The following CDK1 variants were observed in gnomAD, a reference collection of about 807,000 sequenced individuals.
CDK1 encodes the protein cyclin-dependent kinase 1.
In CDK1, 5 loss-of-function variants were observed where a neutral mutation model predicts 34.6. The observed-to-expected ratio is 0.14, with a 90% CI of 0.08 to 0.30. The LOEUF (loss-of-function observed/expected upper bound fraction) is 0.30, where lower values mean the gene tolerates loss of function less well. Among genes scored for constraint, CDK1 ranks in the 10% least tolerant of loss-of-function variants. CDK1 has a pLI of 1.00. For missense variants in CDK1, 157 were observed against 345.7 expected, an observed-to-expected ratio of 0.45 and a Z score of 4.33; for synonymous variants, 108 against 114.7, an observed-to-expected ratio of 0.94 and a Z score of 0.37.
chr10:60,783,964 TTTTGAAAAGCATAAAGCACTCTACAGTA>T, intron 2 of CDK1, among the ~76,000 whole-genome samples: 1 of 152,342 alleles, frequency 6.6e-6, no homozygotes, highest in Admixed American at 6.5e-5. Context: ...GATAAAAGTG[TTTTGAAAAGCATAAAGCACTCTACAGTA>T]TTTTCTGAAA....
At chr10:60,786,236 G>T in intron 4 of CDK1, 1 of 957,526 alleles carries the variant, frequency 1.0e-6, no homozygotes, top group Non-Finnish European at 1.2e-6. Flanking sequence ...TCTTATTCTT[G>T]CACCAGTTCT....
chr10:60,783,286 T>C (rs2080288155), intron 2 of CDK1, among the ~76,000 whole-genome samples: 1 of 152,132 alleles, frequency 6.6e-6, no homozygotes, highest in South Asian at 2.1e-4. Flanking sequence ...CACAATTTAA[T>C]CAAAATAGTA....
In CDK1 at chr10:60,789,735, T is replaced by C. The variant is rs190934286; in HGVS notation, c.489+1505T>C. 2.0e-5 allele frequency among the ~76,000 whole-genome samples: 3 copies of C among 152,308 alleles called. No homozygotes were observed. The East Asian group carries it at 5.8e-4, about 29-fold the overall frequency. ...GAGTGCAGATATCTCTTTGACATAATTGATTTTATTTATTTTGGACATATA... is the reference window on the plus strand; with the variant it reads ...GAGTGCAGATATCTCTTTGACATAACTGATTTTATTTATTTTGGACATATA... On this transcript the variant is annotated intron_variant, in intron 5 of 7. Transcript: ENST00000395284.
In CDK1 at chr10:60,793,972, G is replaced by A; in HGVS notation, c.891G>A (p.Met297Ile). 2.0e-6 allele frequency: 3 copies of A among 1,479,692 alleles called. No individual in the cohort carries two copies. The highest frequency in any genetic ancestry group is 1.3e-5 in the South Asian group (1 of 78,040). 91.7% of individuals were successfully genotyped at this position (1,479,692 alleles called of 1,614,324 possible). ...FNDLDNQIKKM is the reference protein window; with the variant it reads ...FNDLDNQIKKI ...ATTTGGACAATCAGATTAAGAAGAT[G>A]TAGCTTTCTGACAAAAAGTTTCCAT... is the stretch of plus-strand genomic sequence containing the variant. The change falls in exon 8 of 8, where the codon ATG becomes ATA. Residue 297 changes from methionine (M) to isoleucine (I), a missense_variant. Transcript: ENST00000395284.
At chr10:60,790,094 TA>T (rs999114443) in intron 5 of CDK1, among the ~76,000 whole-genome samples, 1 of 152,218 alleles carries the variant, frequency 6.6e-6, no homozygotes, top group African/African-American at 2.4e-5. Context: ...GGATTCTTAC[TA>T]TTTTTTTTAT....
chr10:60,779,029 C>T (rs1048519978), intron 1 of CDK1, among the ~76,000 whole-genome samples: 3 of 152,216 alleles, frequency 2.0e-5, no homozygotes, highest in African/African-American at 4.8e-5. Flanking sequence ...GGCGCGGGTC[C>T]CTAGAGCCAG....
intron 4 of CDK1, chr10:60,786,359 A>C: frequency 1.2e-6 from 1 of 814,946 alleles, no homozygotes; most frequent in Non-Finnish European, 1.5e-6. Flanking sequence ...AGGTGGACTT[A>C]TTTGCATATG....
At chr10:60,789,023 A>G (rs1468518099) in intron 5 of CDK1, among the ~76,000 whole-genome samples, 1 of 152,134 alleles carries the variant, frequency 6.6e-6, no homozygotes, top group Non-Finnish European at 1.5e-5. Flanking sequence ...TTACCATATG[A>G]TAAATATACT....
At chr10:60,788,025 C>T (rs200404839) in intron 4 of CDK1, 35 bp from the exon 5 acceptor site, 86 of 1,094,698 alleles carry the variant, frequency 7.9e-5, no homozygotes, top group Non-Finnish European at 1.0e-4. Flanking sequence ...TCATGTACTT[C>T]GCTTAAGTTT....
chr10:60,784,360 T>A (rs1416044408), intron 2 of CDK1, among the ~76,000 whole-genome samples: 1 of 152,172 alleles, frequency 6.6e-6, no homozygotes, highest in Non-Finnish European at 1.5e-5. Context: ...CCAGGTGCGG[T>A]GGCTCACGCC....
intron 1 of CDK1, 190 bp downstream of exon 1, chr10:60,778,760 C>T (rs2080245619): frequency 6.6e-6 from 1 of 152,424 alleles, no homozygotes; most frequent in African/African-American, 2.4e-5. Flanking sequence ...ACTGGGCTGG[C>T]TTTAGAGGGA....
At chr10:60,791,442 C>A (rs1331096155) in intron 5 of CDK1, among the ~76,000 whole-genome samples, 4 of 152,124 alleles carry the variant, frequency 2.6e-5, no homozygotes, top group Non-Finnish European at 5.9e-5. Flanking sequence ...ATCATCTCTG[C>A]ACACAGGGAC....
chr10:60,786,056 G>A, intron 4 of CDK1: 1 of 1,065,030 alleles, frequency 9.4e-7, no homozygotes. Flanking sequence ...GTCTTTCTTT[G>A]GCTGTCAGAT....
At chr10:60,779,793 C>T (rs1426518637) in intron 1 of CDK1, among the ~76,000 whole-genome samples, 3 of 152,076 alleles carry the variant, frequency 2.0e-5, no homozygotes, top group African/African-American at 7.2e-5. Context: ...CTTTGGCACA[C>T]GCAGGTACTA....
At chr10:60,786,286 T>A (rs2080315206) in intron 4 of CDK1, 3 of 981,124 alleles carry the variant, frequency 3.1e-6, no homozygotes, top group African/African-American at 1.7e-5. Flanking sequence ...TAGTTTTATT[T>A]GTAATCTTAC....
At chr10:60,788,867 G>A (rs1428396798) in intron 5 of CDK1, among the ~76,000 whole-genome samples, 2 of 152,106 alleles carry the variant, frequency 1.3e-5, no homozygotes, top group Non-Finnish European at 2.9e-5. Context: ...ACTAGTAACA[G>A]TGCTCATCTG....
intron 2 of CDK1, among the ~76,000 whole-genome samples, chr10:60,781,126 AAT>A (rs1322184477): frequency 6.6e-6 from 1 of 152,100 alleles, no homozygotes; most frequent in Non-Finnish European, 1.5e-5. Context: ...CTGAATTAAA[AAT>A]ATGTGATTAG....
At chr10:60,786,966 T>A in intron 4 of CDK1, 2 of 983,688 alleles carry the variant, frequency 2.0e-6, no homozygotes, top group Non-Finnish European at 2.4e-6. Flanking sequence ...TCTGGTAGTT[T>A]TAGTAAGTCC....
At chr10:60,781,055 TA>T (rs1172449420) in intron 2 of CDK1, among the ~76,000 whole-genome samples, 1 of 68,880 alleles carries the variant, frequency 1.5e-5, no homozygotes, top group Non-Finnish European at 3.3e-5. Context: ...CATATATATA[TA>T]TATTTTTTTT....
Sources: gnomAD v4.1 joint callset for allele counts (sites outside exome capture counted in the v4.1 genomes callset) on GRCh38, gnomAD v4.1.1 for gene constraint, MANE v1.5 for transcripts, NCBI Gene and HGNC (gene_info 2026-07-23, HGNC 2026-07-21) for gene names.